DHRSX: variants seen among roughly 807,000 people sequenced by gnomAD.
DHRSX encodes the protein polyprenol dehydrogenase.
A neutral mutation model predicts 34.0 loss-of-function variants in DHRSX; 31 were observed. The ratio of observed to expected loss-of-function variants is 0.91; its 90% confidence interval spans 0.69 to 1.23. The LOEUF (loss-of-function observed/expected upper bound fraction) is 1.23, where lower values mean the gene tolerates loss of function less well. Among genes scored for constraint, DHRSX ranks in the 50% most tolerant of loss-of-function variants. The probability of loss-of-function intolerance (pLI) is 0.00; values close to 1 mark genes in which losing one functional copy is unlikely to be tolerated. For synonymous variants in DHRSX, 201 were observed against 183.8 expected (o/e 1.09, Z -0.76); for missense variants, 414 against 428.1 (o/e 0.97, Z 0.29).
chrX:2,480,852 G>A (rs1177473661), intron 1 of DHRSX, among the ~76,000 whole-genome samples: 1 of 151,950 alleles, frequency 6.6e-6, no homozygotes, highest in East Asian at 1.9e-4. Context: ...AATTTTTCCA[G>A]TTAGATAGAA....
intron 4 of DHRSX, among the ~76,000 whole-genome samples, chrX:2,276,137 C>G (rs996173736): frequency 6.6e-6 from 1 of 152,210 alleles, no homozygotes; most frequent in African/African-American, 2.4e-5. Flanking sequence ...CCATCGCGCC[C>G]GGCCTGTTTC....
intron 5 of DHRSX, among the ~76,000 whole-genome samples, chrX:2,250,786 C>G (rs149237991): frequency 0.039 from 5,891 of 152,182 alleles, 304 homozygotes; most frequent in African/African-American, 0.12. Context: ...CCAAGCAGGT[C>G]TCAGCCTCAT....
chrX:2,458,976 C>T (rs1294136989), intron 1 of DHRSX, among the ~76,000 whole-genome samples: 1 of 151,868 alleles, frequency 6.6e-6, no homozygotes, highest in Non-Finnish European at 1.5e-5. Context: ...CCCATCTCTA[C>T]AAAACTTTAA....
chrX:2,304,261 GTGGGTGGGTGGATGGA>G (rs2042071369), intron 3 of DHRSX, among the ~76,000 whole-genome samples: 4 of 91,500 alleles, frequency 4.4e-5, no homozygotes, highest in Non-Finnish European at 6.3e-5. Flanking sequence ...GGATGGATGG[GTGGGTGGGTGGATGGA>G]TGGGTGGGTG....
chrX:2,270,269 C>T (rs1017538754), intron 4 of DHRSX, among the ~76,000 whole-genome samples: 4 of 152,078 alleles, frequency 2.6e-5, no homozygotes, highest in Admixed American at 6.6e-5. Context: ...GGCTCCTCGC[C>T]GGCTCAGCAT....
intron 1 of DHRSX, among the ~76,000 whole-genome samples, chrX:2,479,971 CAAAGG>C (rs1050865670): frequency 5.3e-5 from 8 of 152,160 alleles, no homozygotes; most frequent in African/African-American, 9.7e-5. Flanking sequence ...TGCGAAACAC[CAAAGG>C]AAAGAATGTT....
At chrX:2,459,388 T>G (rs1446323856) in intron 1 of DHRSX, among the ~76,000 whole-genome samples, 1 of 151,762 alleles carries the variant, frequency 6.6e-6, no homozygotes, top group Non-Finnish European at 1.5e-5. Flanking sequence ...AATATGTTAA[T>G]TAGGTCAATG....
At chrX:2,451,226 C>A (rs892132059) in intron 1 of DHRSX, among the ~76,000 whole-genome samples, 2 of 137,272 alleles carry the variant, frequency 1.5e-5, no homozygotes. Context: ...CAGCAAGACT[C>A]CATCTTTAAA....
At chrX:2,315,301 A>G (rs73187623) in intron 3 of DHRSX, among the ~76,000 whole-genome samples, 22,922 of 152,178 alleles carry the variant, frequency 0.15, 2,140 homozygotes, top group Admixed American at 0.22. Context: ...GCAAGTGGAC[A>G]CCAGTCCAGT....
intron 1 of DHRSX, among the ~76,000 whole-genome samples, chrX:2,429,144 T>A (rs2043885764): frequency 6.6e-6 from 1 of 152,110 alleles, no homozygotes; most frequent in Non-Finnish European, 1.5e-5. Context: ...TACAATGACA[T>A]TCCCGTGTTC....
At chrX:2,444,341 C>G (rs1019852202) in intron 1 of DHRSX, among the ~76,000 whole-genome samples, 2 of 152,164 alleles carry the variant, frequency 1.3e-5, no homozygotes, top group African/African-American at 2.4e-5. Flanking sequence ...TATTCAGTAA[C>G]AGGTATTTGA....
chrX:2,390,440 ATT>A (rs34329831), intron 3 of DHRSX, among the ~76,000 whole-genome samples: 15,394 of 149,666 alleles, frequency 0.1, 1,597 homozygotes, highest in East Asian at 0.19. Context: ...GCCCAGCTGC[ATT>A]TTTTTTTTTT....
intron 3 of DHRSX, among the ~76,000 whole-genome samples, chrX:2,401,108 C>CTT (rs35151918): frequency 1.6e-5 from 2 of 128,526 alleles, no homozygotes; most frequent in Non-Finnish European, 1.6e-5. Context: ...ATTTGGGAAG[C>CTT]TTTTTTTTTT....
intron 5 of DHRSX, among the ~76,000 whole-genome samples, chrX:2,259,327 T>A (rs1332368452): frequency 6.8e-6 from 1 of 146,350 alleles, no homozygotes; most frequent in African/African-American, 2.5e-5. Flanking sequence ...TATAGATAGA[T>A]ATAGATATAT....
intron 1 of DHRSX, among the ~76,000 whole-genome samples, chrX:2,465,521 G>A (rs17842868): frequency 0.19 from 29,395 of 151,772 alleles, 4,012 homozygotes; most frequent in African/African-American, 0.39. Context: ...GAAAACAGAC[G>A]GCCAGGCACC....
intron 3 of DHRSX, among the ~76,000 whole-genome samples, chrX:2,317,629 A>C (rs1031929736): frequency 7.1e-6 from 1 of 141,166 alleles, no homozygotes; most frequent in Non-Finnish European, 1.6e-5. Flanking sequence ...AAGAGGAAAG[A>C]AAAAAAAAAG....
chrX:2,448,644 C>T (rs1206186799), intron 1 of DHRSX, among the ~76,000 whole-genome samples: 4 of 152,018 alleles, frequency 2.6e-5, no homozygotes, highest in East Asian at 1.9e-4. Context: ...ATTTAATCAC[C>T]GCACAATGTG....
chrX:2,488,474 C>CTT, intron 1 of DHRSX: 1 of 995,894 alleles, frequency 1.0e-6, no homozygotes, highest in Non-Finnish European at 1.4e-6. Context: ...CGCCCCCGAC[C>CTT]CTCTCTCACT....
In DHRSX at chrX:2,231,242, C is replaced by G. The variant is rs139556497; in HGVS notation, c.805-10013G>C. Reference sequence around the variant, plus strand: ...CACCAGAGAGTCCATCACAGACATACCCTGTGGAAAGGAGAGATGGCATCT... The same window carrying G: ...CACCAGAGAGTCCATCACAGACATAGCCTGTGGAAAGGAGAGATGGCATCT... On this transcript the variant is annotated intron_variant, in intron 6 of 6. Transcript: ENST00000334651. Among the ~76,000 whole-genome samples, 1,063 of 152,072 alleles carry G rather than the reference C, an allele frequency of 7.0e-3. 10 individuals are homozygous for G. Among genetic ancestry groups the G allele is most frequent in the African/African-American group, 0.025 (1,024 of 41,436 alleles).
Sources: gnomAD v4.1 joint callset for allele counts (sites outside exome capture counted in the v4.1 genomes callset) on GRCh38, gnomAD v4.1.1 for gene constraint, MANE v1.5 for transcripts, NCBI Gene and HGNC (gene_info 2026-07-23, HGNC 2026-07-21) for gene names.